The following NLRC5 variants were observed in gnomAD, a reference collection of about 807,000 sequenced individuals.
NLRC5 encodes the protein protein NLRC5.
A neutral mutation model predicts 206.9 loss-of-function variants in NLRC5; 114 were observed. That is an observed-to-expected ratio of 0.55 (90% CI 0.47 to 0.64). The LOEUF (loss-of-function observed/expected upper bound fraction) is 0.64, where lower values mean the gene tolerates loss of function less well. NLRC5 is among the 30% of genes least tolerant of loss of function. The pLI is 0.00. For missense variants in NLRC5, 2,008 were observed against 2,305.5 expected (o/e 0.87, Z 2.64); for synonymous variants, 952 against 962.8 (o/e 0.99, Z 0.21).
intron 21 of NLRC5, among the ~76,000 whole-genome samples, chr16:57,045,735 T>C (rs1312863945): frequency 6.6e-6 from 1 of 152,170 alleles, no homozygotes; most frequent in Non-Finnish European, 1.5e-5. Context: ...AGGGATATGG[T>C]TGGGAGAGGT....
chr16:57,013,529 G>T, intron 1 of NLRC5: 1 of 849,664 alleles, frequency 1.2e-6, no homozygotes, highest in Non-Finnish European at 2.1e-6. Context: ...CATCATTACA[G>T]TACAATTAAC....
At chr16:57,042,808 G>T (rs13334363) in intron 19 of NLRC5, among the ~76,000 whole-genome samples, 11,017 of 152,206 alleles carry the variant, frequency 0.072, 736 homozygotes, top group African/African-American at 0.18. Context: ...TACGATCTCT[G>T]AAATGAGTGC....
At chr16:57,076,731 G>C (rs577507102) in intron 39 of NLRC5, 88 bp from the exon 40 acceptor site, 33 of 1,268,634 alleles carry the variant, frequency 2.6e-5, no homozygotes, top group Middle Eastern at 1.9e-4. Flanking sequence ...GGCGTGTAAG[G>C]CTTTGCAAAC....
chr16:57,081,614 A>AC lies in NLRC5; in HGVS notation c.5489+5dup. ...GGTCTAGCATCCAAGTCATCCGGTA[A>AC]CAGAGGCCTGCAGGGGCAGGGATGG... On this transcript the variant is annotated splice_donor_region_variant and intron_variant, in intron 48 of 48. Transcript: ENST00000688547. 6.2e-7 allele frequency: 1 copy of AC among 1,613,434 alleles called. No individual in the cohort carries two copies. Among genetic ancestry groups the AC allele is most frequent in the Non-Finnish European group, 8.5e-7 (1 of 1,179,438 alleles).
intron 11 of NLRC5, 143 bp from the exon 12 acceptor site, chr16:57,033,461 C>T (rs2062112504): frequency 2.8e-6 from 2 of 708,954 alleles, no homozygotes; most frequent in South Asian, 1.7e-5. Context: ...ACATCTTGAG[C>T]ATCTGCAAGC....
intron 39 of NLRC5, 56 bp downstream of exon 39, chr16:57,074,739 T>C: frequency 6.5e-7 from 1 of 1,527,578 alleles, no homozygotes; most frequent in Non-Finnish European, 9.1e-7. Flanking sequence ...TCCCACTCAG[T>C]TGGGACCACA....
chr16:57,071,460 T>G (rs1355650682), intron 38 of NLRC5, among the ~76,000 whole-genome samples: 1 of 109,422 alleles, frequency 9.1e-6, no homozygotes, highest in African/African-American at 3.7e-5. Flanking sequence ...TGAGTGGTGT[T>G]GGTGGTTAAT....
rs569522024 is a variant in NLRC5, at chr16:57,020,800, G to A, written c.88G>A (p.Ala30Thr). ...LLTKDPEWLN[A>T]KMKFFLPNTD... ...CACCAAAGACCCAGAATGGCTGAACGCCAAGATGAAGTTCTTCCTCCCCAA... is the reference window on the plus strand; with the variant it reads ...CACCAAAGACCCAGAATGGCTGAACACCAAGATGAAGTTCTTCCTCCCCAA... Residue 30 changes from alanine (A) to threonine (T), a missense_variant, in exon 3 of 49, where the codon GCC (alanine) becomes ACC (threonine). Physicochemically the swap from Ala to Thr is moderately conservative, Grantham distance 58 (BLOSUM62 0). Coordinates refer to ENST00000688547, the MANE Select transcript of NLRC5 (RefSeq NM_001384950.1). 18 of 1,613,156 alleles carry A rather than the reference G, an allele frequency of 1.1e-5. No individual in the cohort carries two copies. The South Asian group carries it at 1.5e-4, about 14-fold the overall frequency.
chr16:57,040,553 A>C, intron 16 of NLRC5, 97 bp from the exon 17 acceptor site: 2 of 1,178,664 alleles, frequency 1.7e-6, no homozygotes, highest in South Asian at 1.2e-5. Flanking sequence ...CTCTAGGTGG[A>C]GGATAGGGCT....
At chr16:57,055,563 G>A (rs756517015) in intron 27 of NLRC5, 44 bp downstream of exon 27, 15 of 1,514,158 alleles carry the variant, frequency 9.9e-6, no homozygotes, top group Admixed American at 1.7e-5. Context: ...ATGGACGCAT[G>A]CCTGAGGGGC....
intron 30 of NLRC5, among the ~76,000 whole-genome samples, chr16:57,061,240 T>A (rs1412829147): frequency 2.0e-5 from 3 of 152,174 alleles, no homozygotes; most frequent in African/African-American, 4.8e-5. Context: ...CCTAATACTT[T>A]CTTACAGGGG....
At chr16:57,035,170 T>TTC (rs1416210165) in intron 13 of NLRC5, among the ~76,000 whole-genome samples, 1 of 152,106 alleles carries the variant, frequency 6.6e-6, no homozygotes, top group Non-Finnish European at 1.5e-5. Flanking sequence ...CCCCTTGCCC[T>TTC]TCTCCCACAT....
At chr16:57,023,354 G>A (rs984011454) in intron 4 of NLRC5, among the ~76,000 whole-genome samples, 6 of 152,180 alleles carry the variant, frequency 3.9e-5, no homozygotes, top group African/African-American at 1.4e-4. Context: ...ATAAGAAATC[G>A]GGATGATAAA....
intron 24 of NLRC5, among the ~76,000 whole-genome samples, chr16:57,053,687 C>T (rs1218979825): frequency 6.6e-6 from 1 of 152,106 alleles, no homozygotes; most frequent in Non-Finnish European, 1.5e-5. Flanking sequence ...CACCATCATG[C>T]CCAGCTAATT....
At chr16:57,008,748 C>A (rs2059180022) in intron 1 of NLRC5, among the ~76,000 whole-genome samples, 1 of 151,958 alleles carries the variant, frequency 6.6e-6, no homozygotes, top group African/African-American at 2.4e-5. Context: ...AAGAAAAAGC[C>A]TAGCAATGGC....
intron 39 of NLRC5, among the ~76,000 whole-genome samples, chr16:57,075,108 G>A (rs4441256): frequency 0.12 from 16,705 of 138,324 alleles, 1,039 homozygotes; most frequent in Non-Finnish European, 0.15. Flanking sequence ...AGGTGCAATC[G>A]TGTTGCACTG....
At chr16:57,028,410 C>A in intron 8 of NLRC5, 25 bp downstream of exon 8, 2 of 1,585,990 alleles carry the variant, frequency 1.3e-6, no homozygotes, top group African/African-American at 1.3e-5. Context: ...GGAGGGCTCA[C>A]TGACTGGGGA....
intron 11 of NLRC5, among the ~76,000 whole-genome samples, chr16:57,032,474 C>A (rs890498281): frequency 4.0e-5 from 6 of 148,678 alleles, no homozygotes; most frequent in Non-Finnish European, 9.1e-5. Context: ...AGCCACTAGC[C>A]CCATATGGCT....
intron 1 of NLRC5, among the ~76,000 whole-genome samples, chr16:56,996,038 T>A (rs1006183125): frequency 2.0e-5 from 3 of 152,204 alleles, no homozygotes; most frequent in Admixed American, 2.0e-4. Context: ...TGCTAACGCA[T>A]CTGTAAACCT....
Sources: allele counts gnomAD v4.1 joint callset (sites outside exome capture counted in the v4.1 genomes callset), GRCh38; gene constraint gnomAD v4.1.1; transcripts MANE v1.5; gene names NCBI Gene and HGNC (gene_info 2026-07-23, HGNC 2026-07-21).